Variants in COLQ observed in about 807,000 individuals in gnomAD.
The protein encoded by COLQ is acetylcholinesterase collagenic tail peptide.
In COLQ, 48 loss-of-function variants were observed where a neutral mutation model predicts 69.0. That is an observed-to-expected ratio of 0.70 (90% CI 0.55 to 0.88). The LOEUF (loss-of-function observed/expected upper bound fraction) is 0.88. COLQ is among the 40% of genes least tolerant of loss of function. COLQ has a pLI of 0.00. For missense variants in COLQ, 618 were observed against 594.6 expected (o/e 1.04, Z -0.41); for synonymous variants, 217 against 211.2 (o/e 1.03, Z -0.24).
At chr3:15,505,361 G>A (rs9830070) in intron 1 of COLQ, among the ~76,000 whole-genome samples, 63,308 of 151,796 alleles carry the variant, frequency 0.42, 14,281 homozygotes, top group East Asian at 0.62. Context: ...CAGTCATCTC[G>A]TGTCGGTCAT....
chr3:15,477,850 G>A lies in COLQ; in HGVS notation c.394-653C>T, dbSNP rs1575476329. On this transcript the variant is annotated intron_variant, in intron 5 of 16. Transcript: ENST00000383788. The stretch of plus-strand genomic sequence containing the variant: ...CTGGCTTCTCCCATTCTCCCTACAG[G>A]TTCCTCCCGAGAGTGGTCCCATAAT... Among the ~76,000 whole-genome samples the A allele has an allele frequency of 2.0e-5, 3 of 152,194 alleles. No individual in the cohort carries two copies. The East Asian group carries it at 5.8e-4, about 29-fold the overall frequency.
chr3:15,514,555 T>A (rs1291350811), intron 1 of COLQ, among the ~76,000 whole-genome samples: 1 of 152,224 alleles, frequency 6.6e-6, no homozygotes, highest in Non-Finnish European at 1.5e-5. Context: ...TGGACTTTCA[T>A]AATGCAACCT....
intron 1 of COLQ, 25 bp downstream of exon 1, chr3:15,521,495 G>A (rs948207628): frequency 6.2e-7 from 1 of 1,613,894 alleles, no homozygotes; most frequent in South Asian, 1.1e-5. Flanking sequence ...AGATGGAAGA[G>A]AGGAAAGTTG....
Position 15,451,397 on chromosome 3 carries a change from C to G in COLQ, c.*247G>C. The G allele has an allele frequency of 1.5e-6, 1 of 647,098 alleles. No homozygotes were observed. 40.1% of individuals were successfully genotyped at this position (647,098 alleles called of 1,614,324 possible). On this transcript the variant is annotated 3_prime_UTR_variant, in exon 17 of 17. Transcript: ENST00000383788. The stretch of plus-strand genomic sequence containing the variant: ...AGCCGGTTGTTTGGCCAAATGGTAG[C>G]GATGGGGAACAGGTCTCAGGTTGGG...
chr3:15,456,313 G>C, intron 14 of COLQ, 147 bp downstream of exon 14: 1 of 1,096,444 alleles, frequency 9.1e-7, no homozygotes, highest in Middle Eastern at 3.0e-4. Flanking sequence ...TGCTCAGAGA[G>C]AGTTTGAGGG....
At chr3:15,489,771 G>A in intron 1 of COLQ, 134 bp from the exon 2 acceptor site, 1 of 749,844 alleles carries the variant, frequency 1.3e-6, no homozygotes. Context: ...GATGTGGATA[G>A]GCCTCCTGTT....
At chr3:15,452,764 C>G (rs2061967762) in intron 16 of COLQ, among the ~76,000 whole-genome samples, 1 of 152,154 alleles carries the variant, frequency 6.6e-6, no homozygotes, top group Non-Finnish European at 1.5e-5. Context: ...GGCTTAGAGT[C>G]TGGGGGAGAC....
intron 16 of COLQ, among the ~76,000 whole-genome samples, chr3:15,452,473 G>A (rs368711876): frequency 3.9e-5 from 6 of 152,194 alleles, no homozygotes; most frequent in South Asian, 2.1e-4. Flanking sequence ...CTGTAGGCCC[G>A]GATGATCATC....
intron 5 of COLQ, chr3:15,478,611 A>C (rs2062421389): frequency 2.9e-6 from 1 of 344,372 alleles, no homozygotes; most frequent in East Asian, 5.9e-5. Flanking sequence ...ATTCAAATTT[A>C]ATCAAACAGA....
chr3:15,488,453 C>T (rs868633894), intron 2 of COLQ, 146 bp from the exon 3 acceptor site: 1 of 712,552 alleles, frequency 1.4e-6, no homozygotes, highest in African/African-American at 1.7e-5. Flanking sequence ...GAAGATGACA[C>T]CTTGGGCTAC....
In COLQ at chr3:15,473,204, G is replaced by A. The variant is rs1480335981; in HGVS notation, c.636+796C>T. Among the ~76,000 whole-genome samples, 2 of 152,138 alleles carry A rather than the reference G, an allele frequency of 1.3e-5. No homozygotes were observed. Among genetic ancestry groups the A allele is most frequent in the African/African-American group, 4.8e-5 (2 of 41,428 alleles). ...GTCTGCCTCTGTGGCCCAGGCTGGA[G>A]TGCAGTGGTGCAATCATGGCTTACC... On this transcript the variant is annotated intron_variant, in intron 10 of 16. Transcript: ENST00000383788. This position sits in a 1 kb window ranked among gnomAD's most constrained non-coding sequence, Gnocchi z 4.0.
At chr3:15,518,856 C>T (rs1167540314) in intron 1 of COLQ, among the ~76,000 whole-genome samples, 1 of 152,184 alleles carries the variant, frequency 6.6e-6, no homozygotes, top group Non-Finnish European at 1.5e-5. Flanking sequence ...GTGCCAGGCA[C>T]ACAGTAGGCA....
intron 1 of COLQ, among the ~76,000 whole-genome samples, chr3:15,515,349 A>G (rs995803320): frequency 3.3e-5 from 5 of 152,212 alleles, no homozygotes; most frequent in Non-Finnish European, 7.3e-5. Flanking sequence ...ACAGTTCATA[A>G]CCAAGGGAGG....
At chr3:15,461,105 T>C (rs1309814566) in intron 12 of COLQ, among the ~76,000 whole-genome samples, 1 of 152,318 alleles carries the variant, frequency 6.6e-6, no homozygotes, top group Non-Finnish European at 1.5e-5. Context: ...GATTCACTTA[T>C]ACTCTGTCTG....
chr3:15,507,655 C>T (rs1224432185), intron 1 of COLQ, among the ~76,000 whole-genome samples: 6 of 152,110 alleles, frequency 3.9e-5, no homozygotes, highest in Admixed American at 3.9e-4. Flanking sequence ...GGGGTTTTGC[C>T]ATGTTGGCCA....
At chr3:15,453,803 GA>G in intron 16 of COLQ, 25 bp downstream of exon 16, 1 of 1,418,540 alleles carries the variant, frequency 7.0e-7, no homozygotes, top group Non-Finnish European at 9.9e-7. Flanking sequence ...AGAAGGGGGA[GA>G]GGGAGGGAGG....
At chr3:15,461,175 C>T (rs886459376) in intron 12 of COLQ, among the ~76,000 whole-genome samples, 6 of 151,336 alleles carry the variant, frequency 4.0e-5, no homozygotes, top group Non-Finnish European at 7.4e-5. Flanking sequence ...ATCCTAAAGG[C>T]ATTTTGCCTT....
At chr3:15,502,898 C>G (rs2062852182) in intron 1 of COLQ, among the ~76,000 whole-genome samples, 1 of 152,234 alleles carries the variant, frequency 6.6e-6, no homozygotes, top group African/African-American at 2.4e-5. Flanking sequence ...CCATGCTCAG[C>G]ATTTCCCAGG....
intron 1 of COLQ, 64 bp from the exon 2 acceptor site, chr3:15,489,701 G>A (rs2062632525): frequency 7.5e-6 from 11 of 1,467,770 alleles, no homozygotes; most frequent in South Asian, 3.5e-5. Context: ...CACACCCACC[G>A]TGCCCAGGGA....
Sources: allele counts gnomAD v4.1 joint callset (sites outside exome capture counted in the v4.1 genomes callset), GRCh38; gene constraint gnomAD v4.1.1; non-coding constraint Gnocchi (gnomAD v3.1); transcripts MANE v1.5; gene names NCBI Gene and HGNC (gene_info 2026-07-23, HGNC 2026-07-21).